KCTD16: variants seen among roughly 807,000 people sequenced by gnomAD.
The protein encoded by KCTD16 is potassium channel tetramerization domain containing 16.
In KCTD16, 13 loss-of-function variants were observed where a neutral mutation model predicts 33.2. The ratio of observed to expected loss-of-function variants is 0.39; its 90% CI spans 0.25 to 0.62. The LOEUF is 0.62. KCTD16 is among the 20% of genes least tolerant of loss of function. KCTD16 has a pLI of 0.50. For synonymous variants in KCTD16, 197 were observed against 195.3 expected, an observed-to-expected ratio of 1.01 and a Z score of -0.07; for missense variants, 441 against 525.1, an observed-to-expected ratio of 0.84 and a Z score of 1.57.
chr5:144,174,968 T>C (rs1692837633), intron 2 of KCTD16, among the ~76,000 whole-genome samples: 1 of 152,192 alleles, frequency 6.6e-6, no homozygotes, highest in Admixed American at 6.5e-5. Flanking sequence ...ACTGAAGCAC[T>C]GAAGTCTGTA....
chr5:144,257,520 GCT>G (rs780836218), intron 3 of KCTD16, among the ~76,000 whole-genome samples: 34 of 151,460 alleles, frequency 2.2e-4, no homozygotes, highest in Non-Finnish European at 4.7e-4. Flanking sequence ...ACAGAGTCTC[GCT>G]CTGTCGCCCA....
chr5:144,456,445 C>T (rs1336201200), intron 3 of KCTD16, among the ~76,000 whole-genome samples: 1 of 152,028 alleles, frequency 6.6e-6, no homozygotes, highest in Non-Finnish European at 1.5e-5. Context: ...CACTTTGTTC[C>T]TTTTCATCCC....
At chr5:144,330,379 C>T (rs1288496444) in intron 3 of KCTD16, among the ~76,000 whole-genome samples, 1 of 143,028 alleles carries the variant, frequency 7.0e-6, no homozygotes, top group Non-Finnish European at 1.5e-5. Flanking sequence ...TACCACTGCA[C>T]TCCAGCCTGG....
At chr5:144,344,821 G>A (rs1236827433) in intron 3 of KCTD16, among the ~76,000 whole-genome samples, 3 of 150,368 alleles carry the variant, frequency 2.0e-5, no homozygotes, top group Non-Finnish European at 4.5e-5. Flanking sequence ...TCTAGAACTA[G>A]AAATACCATT....
chr5:144,408,265 G>C (rs1196145949), intron 3 of KCTD16, among the ~76,000 whole-genome samples: 1 of 152,190 alleles, frequency 6.6e-6, no homozygotes, highest in Non-Finnish European at 1.5e-5. Context: ...ACTGGTATTT[G>C]AATAATCCTT....
chr5:144,385,516 T>C (rs1484085521), intron 3 of KCTD16, among the ~76,000 whole-genome samples: 1 of 152,220 alleles, frequency 6.6e-6, no homozygotes, highest in African/African-American at 2.4e-5. Context: ...TATTTCTTTT[T>C]CACATGAAAT....
rs1207823006 is a variant in KCTD16, at chr5:144,476,653, T to C, written c.*2539T>C. On this transcript the variant is annotated 3_prime_UTR_variant, in exon 4 of 4. Transcript: ENST00000512467. ...GCATGGCATTTATTTGTGTGAGTGT[T>C]TATATAGAAATGAACATAGACCTGG... 6.6e-6 allele frequency: 1 copy of C among 152,080 alleles called. No individual in the cohort carries two copies. The highest frequency in any genetic ancestry group is 1.5e-5 in the Non-Finnish European group (1 of 68,032). 9.4% of individuals were successfully genotyped at this position (152,080 alleles called of 1,614,324 possible).
intron 3 of KCTD16, among the ~76,000 whole-genome samples, chr5:144,268,603 A>C (rs1350888572): frequency 6.6e-6 from 1 of 152,208 alleles, no homozygotes. Context: ...CAATAATTTT[A>C]AAAAGTAGAC....
intron 3 of KCTD16, among the ~76,000 whole-genome samples, chr5:144,462,584 A>C (rs1042783004): frequency 8.1e-5 from 12 of 148,086 alleles, no homozygotes; most frequent in Non-Finnish European, 1.5e-4. Context: ...AAAAAAAAAC[A>C]AAAAACTCTT....
At position 144,266,943 on chromosome 5, in the gene KCTD16, C is replaced by T. The variant is rs1157036429; in HGVS notation, c.832+59397C>T. On this transcript the variant is annotated intron_variant, in intron 3 of 3. Transcript: ENST00000512467. ...CTGAAGCATGAATTTTGGCCAAAGC[C>T]TCTTATTCGGTTGGTGCAAAAGTAA... Among the ~76,000 whole-genome samples, 3 of 152,164 alleles carry T rather than the reference C, an allele frequency of 2.0e-5. No homozygotes were observed. The East Asian group carries it at 5.8e-4, about 29-fold the overall frequency.
At chr5:144,353,362 G>T (rs1304373714) in intron 3 of KCTD16, among the ~76,000 whole-genome samples, 2 of 152,188 alleles carry the variant, frequency 1.3e-5, no homozygotes, top group African/African-American at 4.8e-5. Flanking sequence ...GCTGGAAGAA[G>T]TGAAAGAGAA....
intron 3 of KCTD16, among the ~76,000 whole-genome samples, chr5:144,265,234 T>G (rs991743888): frequency 1.3e-5 from 2 of 152,170 alleles, no homozygotes; most frequent in African/African-American, 2.4e-5. Flanking sequence ...ATTAGCATGG[T>G]TTAATATTAT....
chr5:144,177,388 A>G (rs558515533), intron 2 of KCTD16, among the ~76,000 whole-genome samples: 1 of 152,234 alleles, frequency 6.6e-6, no homozygotes, highest in African/African-American at 2.4e-5. Context: ...ATGCTGTAAC[A>G]AAGTACCACA....
intron 3 of KCTD16, among the ~76,000 whole-genome samples, chr5:144,364,862 C>A (rs1011816809): frequency 6.6e-6 from 1 of 152,100 alleles, no homozygotes; most frequent in Non-Finnish European, 1.5e-5. Context: ...GAGACAGGTT[C>A]CATGCTATTT....
intron 3 of KCTD16, among the ~76,000 whole-genome samples, chr5:144,253,174 G>T (rs1399700168): frequency 1.3e-5 from 2 of 152,104 alleles, no homozygotes; most frequent in Admixed American, 6.5e-5. Context: ...CCAACATGTT[G>T]TCTTTTCCCT....
At chr5:144,445,527 A>G (rs1753800829) in intron 3 of KCTD16, among the ~76,000 whole-genome samples, 1 of 151,974 alleles carries the variant, frequency 6.6e-6, no homozygotes, top group Non-Finnish European at 1.5e-5. Context: ...TTCCTATTAC[A>G]TCTTTGTATA....
At chr5:144,237,372 A>G (rs906254546) in intron 3 of KCTD16, among the ~76,000 whole-genome samples, 2 of 152,106 alleles carry the variant, frequency 1.3e-5, no homozygotes, top group African/African-American at 4.8e-5. Context: ...AGTTGAGCAG[A>G]TGGTGCCAGG....
At chr5:144,385,511 C>A (rs1752304425) in intron 3 of KCTD16, among the ~76,000 whole-genome samples, 1 of 152,114 alleles carries the variant, frequency 6.6e-6, no homozygotes, top group African/African-American at 2.4e-5. Context: ...GACCATATTT[C>A]TTTTTCACAT....
chr5:144,357,375 A>T (rs537615489), intron 3 of KCTD16, among the ~76,000 whole-genome samples: 1 of 152,342 alleles, frequency 6.6e-6, no homozygotes, highest in South Asian at 2.1e-4. Flanking sequence ...ATTCCTGCTC[A>T]TCTGGGTGTT....
Sources: allele counts gnomAD v4.1 joint callset (sites outside exome capture counted in the v4.1 genomes callset), GRCh38; gene constraint gnomAD v4.1.1; transcripts MANE v1.5; gene names NCBI Gene and HGNC (gene_info 2026-07-23, HGNC 2026-07-21).